SMARCAL1: variants seen among roughly 807,000 people sequenced by gnomAD.
The protein encoded by SMARCAL1 is SNF2 related chromatin remodeling annealing helicase 1, also known as ATP-driven annealing helicase.
Under a neutral mutation model 94.5 loss-of-function variants are expected in SMARCAL1, and 58 were observed. The ratio of observed to expected loss-of-function variants is 0.61; its 90% CI spans 0.50 to 0.76. The LOEUF is 0.76. Ranked by LOEUF, SMARCAL1 falls within the 30% of genes least tolerant of loss-of-function variation. The pLI is 0.00. For synonymous variants in SMARCAL1, 422 were observed against 455.1 expected (o/e 0.93, Z 0.93); for missense variants, 1,051 against 1,177.9 (o/e 0.89, Z 1.58).
chr2:216,440,973 A>T (rs1038031978), intron 10 of SMARCAL1, among the ~76,000 whole-genome samples: 5 of 152,160 alleles, frequency 3.3e-5, no homozygotes, highest in Non-Finnish European at 5.9e-5. Flanking sequence ...AGAACCACCA[A>T]TCTAAATAAG....
At chr2:216,459,086 G>T (rs1394869354) in intron 12 of SMARCAL1, among the ~76,000 whole-genome samples, 3 of 152,126 alleles carry the variant, frequency 2.0e-5, no homozygotes, top group Non-Finnish European at 4.4e-5. Context: ...ATTCACAATT[G>T]CTTCAAAGAG....
chr2:216,478,103 C>T lies in SMARCAL1; in HGVS notation c.2529-100C>T, dbSNP rs999688449. 34 of 964,258 alleles carry T rather than the reference C, an allele frequency of 3.5e-5. No homozygotes were observed. The African/African-American group carries it at 5.1e-4, about 15-fold the overall frequency. The allele number at this position is 964,258 out of a possible 1,614,324, so 59.7% of individuals were successfully genotyped here. The stretch of plus-strand genomic sequence containing the variant: ...AGATGCAGAGATGTGAAACCGTAAA[C>T]AAGCCGTTGTCCCATAAGAACAAGG... On this transcript the variant is annotated intron_variant, in intron 16 of 17. Coordinates refer to ENST00000357276, the MANE Select transcript of SMARCAL1 (RefSeq NM_014140.4).
chr2:216,424,533 G>A (rs1049621234), intron 6 of SMARCAL1, among the ~76,000 whole-genome samples: 2 of 152,224 alleles, frequency 1.3e-5, no homozygotes, highest in Admixed American at 1.3e-4. Context: ...AACCCTGGGA[G>A]CTCTGAGTCA....
intron 10 of SMARCAL1, 80 bp from the exon 11 acceptor site, chr2:216,446,938 C>A: frequency 6.4e-7 from 1 of 1,572,690 alleles, no homozygotes; most frequent in South Asian, 1.1e-5. Context: ...GCATCCAGCT[C>A]CTCCCTCACT....
intron 5 of SMARCAL1, among the ~76,000 whole-genome samples, chr2:216,421,388 C>T (rs1693717194): frequency 6.6e-6 from 1 of 152,100 alleles, no homozygotes; most frequent in Non-Finnish European, 1.5e-5. Context: ...ACCTCTGCCT[C>T]CCGGGTTCAA....
At chr2:216,418,090 A>G (rs1349015755) in intron 4 of SMARCAL1, among the ~76,000 whole-genome samples, 2 of 151,620 alleles carry the variant, frequency 1.3e-5, no homozygotes, top group Non-Finnish European at 2.9e-5. Context: ...GCTAATTTTT[A>G]TATTTTTAGT....
intron 10 of SMARCAL1, among the ~76,000 whole-genome samples, chr2:216,441,730 C>T (rs1443650328): frequency 6.6e-6 from 1 of 152,186 alleles, no homozygotes; most frequent in East Asian, 1.9e-4. Flanking sequence ...TTAGGGGAGG[C>T]CTCTGAAGTC....
intron 7 of SMARCAL1, among the ~76,000 whole-genome samples, chr2:216,432,342 T>C (rs1693981894): frequency 6.6e-6 from 1 of 152,128 alleles, no homozygotes; most frequent in South Asian, 2.1e-4. Context: ...CATGCCCTCC[T>C]CAGTGCTAGT....
In SMARCAL1 at chr2:216,420,231, C is replaced by A. The variant is rs1315442511; in HGVS notation, c.863-68C>A. 10 of 1,285,874 alleles carry A rather than the reference C, an allele frequency of 7.8e-6. 1 individual carries two copies. The African/African-American group carries it at 1.2e-4, about 15-fold the overall frequency. The allele number at this position is 1,285,874 out of a possible 1,614,324, so 79.7% of individuals were successfully genotyped here. On this transcript the variant is annotated intron_variant, in intron 4 of 17. Transcript: ENST00000357276. ...TCCCCACTTTCTCCCTCTTCCCTTG[C>A]CTGTATTTCAAAGCCACATCATAGT...
At chr2:216,474,274 G>A (rs1212396259) in intron 14 of SMARCAL1, among the ~76,000 whole-genome samples, 1 of 149,226 alleles carries the variant, frequency 6.7e-6, no homozygotes, top group African/African-American at 2.4e-5. Context: ...TGAGTAGCTG[G>A]GATTACAGGC....
At chr2:216,471,492 T>C (rs1490898344) in intron 14 of SMARCAL1, among the ~76,000 whole-genome samples, 1 of 152,082 alleles carries the variant, frequency 6.6e-6, no homozygotes, top group Admixed American at 6.6e-5. Context: ...TAGCTGGGAA[T>C]ACAGGTGCCT....
At chr2:216,467,054 A>G (rs1294949803) in intron 13 of SMARCAL1, among the ~76,000 whole-genome samples, 5 of 152,128 alleles carry the variant, frequency 3.3e-5, no homozygotes, top group Non-Finnish European at 7.4e-5. Flanking sequence ...CTTCTTTGGG[A>G]TTGTGATCCC....
At chr2:216,459,962 C>G (rs1487793721) in intron 12 of SMARCAL1, among the ~76,000 whole-genome samples, 1 of 152,184 alleles carries the variant, frequency 6.6e-6, no homozygotes, top group Non-Finnish European at 1.5e-5. Context: ...TATCCAGAAT[C>G]TACAAAGAAC....
At chr2:216,467,807 A>G (rs1020426278) in intron 13 of SMARCAL1, 137 bp from the exon 14 acceptor site, 2 of 682,216 alleles carry the variant, frequency 2.9e-6, no homozygotes, top group Admixed American at 2.1e-5. Context: ...CATTATAATG[A>G]TAGTCGGAGG....
chr2:216,450,694 T>C (rs1694428593), intron 11 of SMARCAL1, 152 bp from the exon 12 acceptor site: 3 of 625,610 alleles, frequency 4.8e-6, no homozygotes, highest in Admixed American at 2.8e-5. Flanking sequence ...ATTTGTTTTA[T>C]TGGGGGTTTA....
intron 9 of SMARCAL1, among the ~76,000 whole-genome samples, chr2:216,437,441 A>G (rs2738276): frequency 0.24 from 37,245 of 152,148 alleles, 5,631 homozygotes; most frequent in Non-Finnish European, 0.32. Context: ...ATCTTTAAGG[A>G]CAGCGTTGGG....
chr2:216,482,840 A>C lies in SMARCAL1; in HGVS notation c.2728A>C (p.Ser910Arg). Residue 910 changes from serine to arginine, a missense_variant, in exon 18 of 18, where the codon AGT (serine) becomes CGT (arginine). Around this residue, in one of 3 missense-constraint regions of SMARCAL1, gnomAD observed 642 missense variants for 754.7 expected, o/e 0.85. Transcript: ENST00000357276. This position sits in a 1 kb window ranked among gnomAD's most constrained non-coding sequence, Gnocchi z 4.3. ...AGCAGCAGAGTCCTTTGACCCAGGAAGTGCTTCAGGAACATCTGGAAGTAG... is the reference window on the plus strand; with the variant it reads ...AGCAGCAGAGTCCTTTGACCCAGGACGTGCTTCAGGAACATCTGGAAGTAG... Reference protein sequence around the residue: ...LEAAESFDPGSASGTSGSSSQ... With the variant: ...LEAAESFDPGRASGTSGSSSQ... 1 of 1,614,216 alleles carries C rather than the reference A, an allele frequency of 6.2e-7. No individual in the cohort carries two copies. Among genetic ancestry groups the C allele is most frequent in the Non-Finnish European group, 8.5e-7 (1 of 1,180,030 alleles).
chr2:216,479,641 C>A (rs1487532512), intron 17 of SMARCAL1, among the ~76,000 whole-genome samples: 1 of 152,084 alleles, frequency 6.6e-6, no homozygotes, highest in Non-Finnish European at 1.5e-5. Context: ...TGCAAATTAT[C>A]CTTTCAGACA....
chr2:216,435,443 C>G lies in SMARCAL1; in HGVS notation c.1591C>G (p.Leu531Val). ...CCTGATCAACATTGTCAGCTTTGAC[C>G]TTCTTAGCAAGTTGGAAAAACAGCT... ...AGLINIVSFDLLSKLEKQLKT... is the reference protein window; with the variant it reads ...AGLINIVSFDVLSKLEKQLKT... Residue 531 changes from leucine (L) to valine (V), a missense_variant, in exon 9 of 18, where the codon CTT (leucine) becomes GTT (valine). Leu to Val is a conservative substitution (Grantham distance 32). Around this residue, in one of 3 missense-constraint regions of SMARCAL1, gnomAD observed 642 missense variants for 754.7 expected, o/e 0.85. Transcript: ENST00000357276. The G allele has an allele frequency of 6.2e-7, 1 of 1,614,116 alleles. No individual in the cohort carries two copies. Among genetic ancestry groups the G allele is most frequent in the Non-Finnish European group, 8.5e-7 (1 of 1,179,998 alleles).
Sources: allele counts gnomAD v4.1 joint callset (sites outside exome capture counted in the v4.1 genomes callset), GRCh38; gene constraint gnomAD v4.1.1; regional missense constraint gnomAD v4.1.1; non-coding constraint Gnocchi (gnomAD v3.1); transcripts MANE v1.5; gene names NCBI Gene and HGNC (gene_info 2026-07-23, HGNC 2026-07-21).